DOCK9: variants seen among roughly 807,000 people sequenced by gnomAD.
DOCK9 encodes the protein dedicator of cytokinesis protein 9.
Under a neutral mutation model 263.3 loss-of-function variants are expected in DOCK9, and 89 were observed. The observed-to-expected ratio is 0.34, with a 90% confidence interval of 0.28 to 0.40. The LOEUF (loss-of-function observed/expected upper bound fraction) is 0.40. Among genes scored for constraint, DOCK9 ranks in the 10% least tolerant of loss-of-function variants. The pLI, the probability that DOCK9 is intolerant of heterozygous loss-of-function variation, is 1.00. For missense variants in DOCK9, 2,140 were observed against 2,603.4 expected (o/e 0.82, Z 3.87); for synonymous variants, 976 against 973.1 (o/e 1.00, Z -0.06).
intron 9 of DOCK9, among the ~76,000 whole-genome samples, chr13:98,909,434 C>T (rs1167334403): frequency 6.6e-6 from 1 of 152,072 alleles, no homozygotes; most frequent in Non-Finnish European, 1.5e-5. Flanking sequence ...AAGATTATGG[C>T]CAACAGCATC....
chr13:98,819,639 A>G (rs1386260521), intron 45 of DOCK9, among the ~76,000 whole-genome samples: 1 of 152,230 alleles, frequency 6.6e-6, no homozygotes, highest in East Asian at 1.9e-4. Context: ...TTCCCTACTC[A>G]CTGCCACTAC....
intron 2 of DOCK9, among the ~76,000 whole-genome samples, chr13:98,949,526 G>T (rs2057150658): frequency 6.6e-6 from 1 of 152,172 alleles, no homozygotes; most frequent in Admixed American, 6.5e-5. Flanking sequence ...GAAAACATTG[G>T]AATTTTTCCT....
rs77734191 is a variant in DOCK9 at position 99,062,955 on chromosome 13, T to C, written c.129+23268A>G. 5.6e-3 allele frequency among the ~76,000 whole-genome samples: 854 copies of C among 152,266 alleles called. 9 individuals are homozygous for C. Among genetic ancestry groups the C allele is most frequent in the African/African-American group, 0.02 (817 of 41,550 alleles). ...CTCTACTACTCTGCGGGTGTTACCA[T>C]TTGCTGGGCATCCATCATGACACCA... On this transcript the variant is annotated intron_variant, in intron 1 of 32. Coordinates refer to the DOCK9 transcript ENST00000427887.
At chr13:98,819,073 C>G (rs1376506935) in intron 45 of DOCK9, among the ~76,000 whole-genome samples, 1 of 152,192 alleles carries the variant, frequency 6.6e-6, no homozygotes, top group Non-Finnish European at 1.5e-5. Context: ...CACATTTCTA[C>G]TATATCATCA....
chr13:99,040,444 A>G (rs560831138), intron 1 of DOCK9, among the ~76,000 whole-genome samples: 2 of 152,206 alleles, frequency 1.3e-5, no homozygotes, highest in East Asian at 1.9e-4. Flanking sequence ...AACAAAAAAA[A>G]TCCTGATGCT....
chr13:98,904,789 T>C (rs1482346321), intron 9 of DOCK9, 83 bp from the exon 10 acceptor site: 3 of 1,239,792 alleles, frequency 2.4e-6, no homozygotes, highest in South Asian at 1.4e-5. Flanking sequence ...AGCTGCCCAG[T>C]CCTGAAGGTT....
intron 8 of DOCK9, 119 bp downstream of exon 8, chr13:98,915,210 C>T: frequency 3.3e-6 from 3 of 918,192 alleles, no homozygotes; most frequent in Admixed American, 2.8e-5. Context: ...GTAAAGAGCT[C>T]CTATCCGTCC....
chr13:99,056,884 G>A (rs571143266), intron 1 of DOCK9, among the ~76,000 whole-genome samples: 8 of 152,280 alleles, frequency 5.3e-5, no homozygotes, highest in African/African-American at 1.7e-4. Flanking sequence ...GTACAGCAGC[G>A]GGGATCCGAG....
At chr13:98,873,248 C>T (rs2142288253) in intron 27 of DOCK9, among the ~76,000 whole-genome samples, 1 of 152,342 alleles carries the variant, frequency 6.6e-6, no homozygotes, top group African/African-American at 2.4e-5. Context: ...CAACACAGTC[C>T]TTTTCCCCAG....
At chr13:98,834,879 TACACAC>T (rs144100146) in intron 39 of DOCK9, among the ~76,000 whole-genome samples, 4 of 150,914 alleles carry the variant, frequency 2.7e-5, no homozygotes, top group African/African-American at 7.3e-5. Flanking sequence ...TTCTCTCTCA[TACACAC>T]ACACACACAC....
chr13:98,984,671 G>A (rs1878024360), intron 1 of DOCK9, among the ~76,000 whole-genome samples: 1 of 152,122 alleles, frequency 6.6e-6, no homozygotes, highest in Non-Finnish European at 1.5e-5. Context: ...TGGATTATGA[G>A]ATAATGGTAT....
chr13:98,875,030 G>A (rs2094293150), intron 27 of DOCK9, among the ~76,000 whole-genome samples: 1 of 152,102 alleles, frequency 6.6e-6, no homozygotes, highest in South Asian at 2.1e-4. Context: ...CCTATCCCTA[G>A]ATTGTGGTAT....
chr13:99,050,979 C>T (rs1028711364), intron 1 of DOCK9, among the ~76,000 whole-genome samples: 4 of 152,214 alleles, frequency 2.6e-5, no homozygotes, highest in African/African-American at 4.8e-5. Flanking sequence ...CACAGGTGGA[C>T]GTAAGAAGGA....
chr13:99,035,260 A>G (rs1887756557), intron 1 of DOCK9, among the ~76,000 whole-genome samples: 1 of 152,252 alleles, frequency 6.6e-6, no homozygotes, highest in Admixed American at 6.5e-5. Context: ...CTCCAATCAA[A>G]TGTAATGCAA....
At chr13:98,874,274 C>T (rs2094267758) in intron 27 of DOCK9, among the ~76,000 whole-genome samples, 1 of 152,196 alleles carries the variant, frequency 6.6e-6, no homozygotes, top group Non-Finnish European at 1.5e-5. Flanking sequence ...TCTTTCAGTT[C>T]ATAGAATGCT....
intron 1 of DOCK9, among the ~76,000 whole-genome samples, chr13:99,061,982 C>A (rs2041213650): frequency 6.6e-6 from 1 of 152,044 alleles, no homozygotes; most frequent in South Asian, 2.1e-4. Flanking sequence ...AGTGATCCTC[C>A]CACCTCAACC....
At chr13:98,864,992 C>T (rs1742538173) in intron 30 of DOCK9, among the ~76,000 whole-genome samples, 1 of 152,194 alleles carries the variant, frequency 6.6e-6, no homozygotes, top group African/African-American at 2.4e-5. Flanking sequence ...GAGGCCTCAC[C>T]AGAAGCCAAT....
At chr13:99,051,854 G>GAAAAAA (rs1566359543) in intron 1 of DOCK9, among the ~76,000 whole-genome samples, 1 of 11,206 alleles carries the variant, frequency 8.9e-5, no homozygotes, top group African/African-American at 1.9e-4. Flanking sequence ...TCCACTAGTG[G>GAAAAAA]CAAAAAAAAA....
At chr13:98,956,157 GGC>G (rs1239729796) in intron 1 of DOCK9, among the ~76,000 whole-genome samples, 1 of 152,182 alleles carries the variant, frequency 6.6e-6, no homozygotes, top group Admixed American at 6.5e-5. Flanking sequence ...CTTAAACCAG[GGC>G]TCATGGGTGA....
Sources: gnomAD v4.1 joint callset for allele counts (sites outside exome capture counted in the v4.1 genomes callset) on GRCh38, gnomAD v4.1.1 for gene constraint, MANE v1.5 for transcripts, NCBI Gene and HGNC (gene_info 2026-07-23, HGNC 2026-07-21) for gene names.